The following GBP4 variants were observed in gnomAD, a reference collection of about 807,000 sequenced individuals.
GBP4 encodes guanylate binding protein 4.
Under a neutral mutation model 62.2 loss-of-function variants are expected in GBP4, and 69 were observed. The observed-to-expected ratio is 1.11, with a 90% confidence interval of 0.91 to 1.36. The LOEUF (loss-of-function observed/expected upper bound fraction) is 1.36, where lower values mean the gene tolerates loss of function less well. Ranked by LOEUF, GBP4 falls within the 40% of genes most tolerant of loss-of-function variation. The pLI is 0.00. For synonymous variants in GBP4, 278 were observed against 274.6 expected (o/e 1.01, Z -0.12); for missense variants, 697 against 759.3 (o/e 0.92, Z 0.96).
chr1:89,187,138 A>T, intron 8 of GBP4, 36 bp from the exon 9 acceptor site: 1 of 1,544,338 alleles, frequency 6.5e-7, no homozygotes, highest in Non-Finnish European at 9.0e-7. Context: ...CCTGTCAGGC[A>T]GCAAAGGTCT....
In GBP4 at chr1:89,183,230, G is replaced by A. The variant is rs928621101; in HGVS notation, c.*2024C>T. ...ACAGATAAATGGAACATAACAGAGA[G>A]TCCAGAAATAATGCTGTACACCTAC... On this transcript the variant is annotated 3_prime_UTR_variant, in exon 11 of 11. Coordinates refer to ENST00000355754, the MANE Select transcript of GBP4 (RefSeq NM_052941.5). 2 of 152,068 alleles carry A rather than the reference G, an allele frequency of 1.3e-5. No homozygotes were observed. The highest frequency in any genetic ancestry group is 2.9e-5 in the Non-Finnish European group (2 of 68,020). The allele number at this position is 152,068 out of a possible 1,614,324, so 9.4% of individuals were successfully genotyped here.
At position 89,193,009 on chromosome 1, in the gene GBP4, G is replaced by C; in HGVS notation, c.565C>G (p.Pro189Ala). 6.2e-7 allele frequency: 1 copy of C among 1,614,146 alleles called. No homozygotes were observed. The highest frequency in any genetic ancestry group is 8.5e-7 in the Non-Finnish European group (1 of 1,180,028). ...TCCCGAACAGTCCAAATAAAGTCTG[G>C]AAAGAAACTCGCAAACTCGCTGGAG... The part of the protein sequence containing the change: ...EDSSEFASFF[P>A]DFIWTVRDFT... The change falls in exon 5 of 11, where the codon CCA becomes GCA. Residue 189 changes from proline to alanine, a missense_variant. Transcript: ENST00000355754.
chr1:89,197,975 G>A (rs1331203860), intron 1 of GBP4, among the ~76,000 whole-genome samples: 1 of 152,018 alleles, frequency 6.6e-6, no homozygotes, highest in Admixed American at 6.6e-5. Context: ...TCGGCCCGAA[G>A]AAGGGGCTAG....
chr1:89,188,662 G>C lies in GBP4; in HGVS notation c.1330C>G (p.Pro444Ala), dbSNP rs1166124247. The C allele has an allele frequency of 6.2e-7, 1 of 1,614,028 alleles. No homozygotes were observed. The highest frequency in any genetic ancestry group is 1.3e-5 in the African/African-American group (1 of 74,902). The change falls in exon 8 of 11, where the codon CCT (proline) becomes GCT (alanine). Residue 444 changes from proline (P) to alanine (A), a missense_variant. Pro to Ala is a conservative substitution (Grantham distance 27, BLOSUM62 -1). Coordinates refer to ENST00000355754, the MANE Select transcript of GBP4 (RefSeq NM_052941.5). ...TCTAAGTAGAGATTGTGTCCTCCAG[G>C]AACAGAGAAAATTCCTCTCAAAATG... The part of the protein sequence containing the change: ...ESILRGIFSV[P>A]GGHNLYLEEK...
chr1:89,197,167 C>T lies in GBP4; in HGVS notation c.178G>A (p.Gly60Arg). 6.2e-7 allele frequency: 1 copy of T among 1,614,134 alleles called. No homozygotes were observed. The highest frequency in any genetic ancestry group is 2.2e-5 in the East Asian group (1 of 44,866). ...SQPVVVVAIV[G>R]LYRTGKSYLM... Reference sequence around the variant, plus strand: ...TAGGATTTTCCTGTGCGGTATAGCCCTACAATGGCCACCACCACCACGGGC... The same window carrying T: ...TAGGATTTTCCTGTGCGGTATAGCCTTACAATGGCCACCACCACCACGGGC... Residue 60 changes from glycine (G) to arginine (R), a missense_variant, in exon 2 of 11, where the codon GGG becomes AGG. Gly to Arg is a moderately radical substitution (Grantham distance 125). Coordinates refer to ENST00000355754, the MANE Select transcript of GBP4 (RefSeq NM_052941.5).
At position 89,187,181 on chromosome 1, in the gene GBP4, A is replaced by G. The variant is rs1648058935; in HGVS notation, c.1411-79T>C. ...TGATGGCGAAATTATTGTTCAATAA[A>G]GTCACAAATCTAACCCTGTAAACTT... On this transcript the variant is annotated intron_variant, in intron 8 of 10. Coordinates refer to ENST00000355754, the MANE Select transcript of GBP4 (RefSeq NM_052941.5). The G allele has an allele frequency of 5.2e-6, 6 of 1,150,516 alleles. No individual in the cohort carries two copies. In the Admixed American group the frequency reaches 5.3e-5, roughly 10 times the overall value. 71.3% of individuals were successfully genotyped at this position (1,150,516 alleles called of 1,614,324 possible). A position where few individuals can be genotyped will look rare whatever the true frequency, so the allele number is the denominator to read the frequency against.
In GBP4 at chr1:89,195,424, C is replaced by G; in HGVS notation, c.236G>C (p.Gly79Ala). ...CTGCACCGTGGAGCCCAGAGGGAAG[C>G]CTGCAGGGAAGAGGAAAAATAACAA... ...LMNRLAGKRN[G>A]FPLGSTVQSE... is the part of the protein sequence containing the mutation. Residue 79 changes from glycine to alanine, a missense_variant and splice_region_variant, in exon 3 of 11, where the codon GGC (glycine) becomes GCC (alanine). By Grantham distance (60) the Gly-to-Ala change is moderately conservative (BLOSUM62 0). Around this residue, in one of 2 missense-constraint regions of GBP4, gnomAD observed 556 missense variants for 562.7 expected, o/e 0.99. Transcript: ENST00000355754. 6.2e-7 allele frequency: 1 copy of G among 1,613,474 alleles called. No individual in the cohort carries two copies. Among genetic ancestry groups the G allele is most frequent in the Non-Finnish European group, 8.5e-7 (1 of 1,179,614 alleles).
intron 2 of GBP4, among the ~76,000 whole-genome samples, chr1:89,196,178 C>A (rs1350473141): frequency 6.6e-6 from 1 of 152,018 alleles, no homozygotes; most frequent in Non-Finnish European, 1.5e-5. Flanking sequence ...TGGAAAAATA[C>A]CAATTTTCAA....
At chr1:89,196,356 A>G (rs1375817081) in intron 2 of GBP4, among the ~76,000 whole-genome samples, 1 of 152,204 alleles carries the variant, frequency 6.6e-6, no homozygotes, top group East Asian at 1.9e-4. Context: ...TTAAAAGCAG[A>G]CCAACCTAAA....
At position 89,183,640 on chromosome 1, in the gene GBP4, A is replaced by T. The variant is rs1647952226; in HGVS notation, c.*1614T>A. The stretch of plus-strand genomic sequence containing the variant: ...CATGCCTAAATCCCAGTACTTTGGG[A>T]GGCTGAAGCAGGCAGATTGCTTGAG... On this transcript the variant is annotated 3_prime_UTR_variant, in exon 11 of 11. Coordinates refer to ENST00000355754, the MANE Select transcript of GBP4 (RefSeq NM_052941.5). 6.6e-6 allele frequency: 1 copy of T among 152,224 alleles called. No homozygotes were observed. The highest frequency in any genetic ancestry group is 2.4e-5 in the African/African-American group (1 of 41,450). The allele number at this position is 152,224 out of a possible 1,614,324, so 9.4% of individuals were successfully genotyped here. A position where few individuals can be genotyped will look rare whatever the true frequency, so the allele number is the denominator to read the frequency against.
intron 8 of GBP4, among the ~76,000 whole-genome samples, chr1:89,188,177 TC>T (rs1648086795): frequency 1.3e-5 from 2 of 152,130 alleles, no homozygotes; most frequent in African/African-American, 4.8e-5. Context: ...ATCATCATCA[TC>T]ATCATCATAT....
chr1:89,198,797 G>C lies in GBP4; in HGVS notation c.38C>G (p.Pro13Arg). 1 of 1,613,186 alleles carries C rather than the reference G, an allele frequency of 6.2e-7. No individual in the cohort carries two copies. The highest frequency in any genetic ancestry group is 8.5e-7 in the Non-Finnish European group (1 of 1,179,146). Residue 13 changes from proline (P) to arginine (R), a missense_variant and splice_region_variant, in exon 1 of 11, where the codon CCA becomes CGA. By Grantham distance (103) the Pro-to-Arg change is moderately radical. Coordinates refer to ENST00000355754, the MANE Select transcript of GBP4 (RefSeq NM_052941.5). ...GTAAAGCTTAAGAGCAAACTTACCT[G>C]GTGTGGGCACTGCAGCGTGAAGAGT... ...ERTLHAAVPT[P>R]GYPESESIMM...
intron 3 of GBP4, among the ~76,000 whole-genome samples, chr1:89,193,891 A>G (rs1648257733): frequency 6.6e-6 from 1 of 152,214 alleles, no homozygotes. Context: ...CAATATACAA[A>G]TTCAATCAGA....
chr1:89,191,194 C>T, intron 6 of GBP4, 67 bp downstream of exon 6: 1 of 1,547,340 alleles, frequency 6.5e-7, no homozygotes, highest in Non-Finnish European at 8.8e-7. Flanking sequence ...GAAAAACTTG[C>T]AGTCATTACA....
rs747732727 is a variant in GBP4 at position 89,195,317 on chromosome 1, C to T, written c.343G>A (p.Gly115Ser). ...CTTACCTTTTCTACATCGCCCAGGC[C>T]CTCGGTGTCCAGAAGGACCAGGGTG... is the stretch of plus-strand genomic sequence containing the variant. ...NHTLVLLDTEGLGDVEKSNPK... is the reference protein window; with the variant it reads ...NHTLVLLDTESLGDVEKSNPK... The change falls in exon 3 of 11, where the codon GGC (glycine) becomes AGC (serine). Residue 115 changes from glycine to serine, a missense_variant. This residue lies in a region of GBP4 where 556 missense variants were observed against 562.7 expected (regional missense o/e 0.99). Coordinates refer to ENST00000355754, the MANE Select transcript of GBP4 (RefSeq NM_052941.5). 3 of 1,613,918 alleles carry T rather than the reference C, an allele frequency of 1.9e-6. No homozygotes were observed. The highest frequency in any genetic ancestry group is 1.7e-5 in the Admixed American group (1 of 60,014).
At chr1:89,186,604 T>C (rs1258874994) in intron 9 of GBP4, 78 bp from the exon 10 acceptor site, 4 of 1,304,950 alleles carry the variant, frequency 3.1e-6, no homozygotes, top group Admixed American at 2.4e-5. Context: ...CAGATCAAAC[T>C]GACTCGGAGA....
In GBP4 at chr1:89,191,447, G is replaced by T. The variant is rs754754322; in HGVS notation, c.730C>A (p.Arg244=). 6.2e-7 allele frequency: 1 copy of T among 1,613,970 alleles called. No individual in the cohort carries two copies. The highest frequency in any genetic ancestry group is 1.3e-5 in the African/African-American group (1 of 74,904). The change falls in exon 6 of 11, where the codon CGA becomes AGA. Residue 244 remains arginine (R), a synonymous_variant. Coordinates refer to ENST00000355754, the MANE Select transcript of GBP4 (RefSeq NM_052941.5). Reference sequence around the variant, plus strand: ...TCAAAGACAAAGCACTTCCGTTTTCGGAAGAAATGCCTGATACACTCTCTA... The same window carrying T: ...TCAAAGACAAAGCACTTCCGTTTTCTGAAGAAATGCCTGATACACTCTCTA... ...MPRECIRHFF[R]KRKCFVFDRP... is the part of the protein sequence containing the mutation.
intron 6 of GBP4, among the ~76,000 whole-genome samples, chr1:89,190,718 G>A (rs553043801): frequency 1.3e-5 from 2 of 151,838 alleles, no homozygotes; most frequent in East Asian, 3.9e-4. Flanking sequence ...TCTTTACAAG[G>A]GAACTTGCAT....
chr1:89,185,007 T>C lies in GBP4; in HGVS notation c.*247A>G, dbSNP rs1307614841. 1 of 329,774 alleles carries C rather than the reference T, an allele frequency of 3.0e-6. No homozygotes were observed. The highest frequency in any genetic ancestry group is 5.5e-5 in the East Asian group (1 of 18,224). 20.4% of individuals were successfully genotyped at this position (329,774 alleles called of 1,614,324 possible). Reference sequence around the variant, plus strand: ...GTTGTCTTTTTGCTTTCCTTAAATCTTTTCTAGGAATAATGTCACTACTTC... The same window carrying C: ...GTTGTCTTTTTGCTTTCCTTAAATCCTTTCTAGGAATAATGTCACTACTTC... On this transcript the variant is annotated 3_prime_UTR_variant, in exon 11 of 11. Coordinates refer to ENST00000355754, the MANE Select transcript of GBP4 (RefSeq NM_052941.5).
Sources: allele counts gnomAD v4.1 joint callset (sites outside exome capture counted in the v4.1 genomes callset), GRCh38; gene constraint gnomAD v4.1.1; regional missense constraint gnomAD v4.1.1; transcripts MANE v1.5; gene names NCBI Gene and HGNC (gene_info 2026-07-23, HGNC 2026-07-21).